Variants in PARP8 observed in about 807,000 individuals in gnomAD.
The protein encoded by PARP8 is poly(ADP-ribose) polymerase family member 8.
A neutral mutation model predicts 124.1 loss-of-function variants in PARP8; 51 were observed. That is an observed-to-expected ratio of 0.41 (90% CI 0.33 to 0.52). The LOEUF is 0.52. PARP8 is among the 20% of genes least tolerant of loss of function. PARP8 has a pLI of 0.21. For missense variants in PARP8, 860 were observed against 1,018.9 expected (o/e 0.84, Z 2.12); for synonymous variants, 391 against 361.5 (o/e 1.08, Z -0.93).
At chr5:50,703,846 G>A (rs1227499852) in intron 2 of PARP8, among the ~76,000 whole-genome samples, 1 of 151,934 alleles carries the variant, frequency 6.6e-6, no homozygotes, top group African/African-American at 2.4e-5. Flanking sequence ...AGGAGGTCGA[G>A]GCTGCAGTGA....
chr5:50,675,336 C>T (rs1020929917), intron 2 of PARP8, among the ~76,000 whole-genome samples: 3 of 152,170 alleles, frequency 2.0e-5, no homozygotes, highest in Admixed American at 2.0e-4. Flanking sequence ...GGAGTTTTCG[C>T]TCTTGTTGCC....
At chr5:50,768,811 C>G (rs539495490) in intron 7 of PARP8, among the ~76,000 whole-genome samples, 1 of 152,110 alleles carries the variant, frequency 6.6e-6, no homozygotes, top group Non-Finnish European at 1.5e-5. Context: ...AAACTGTAAT[C>G]ACGCTTTGTA....
At position 50,739,873 on chromosome 5, in the gene PARP8, C is replaced by T. The variant is rs559003502; in HGVS notation, c.147-10278C>T. On this transcript the variant is annotated intron_variant, in intron 2 of 25. Transcript: ENST00000281631. ...CAAGCAATTCTCTGCCTCAGCCTCCCGAGTAGCTGGGATTACAGGCACCCA... is the reference window on the plus strand; with the variant it reads ...CAAGCAATTCTCTGCCTCAGCCTCCTGAGTAGCTGGGATTACAGGCACCCA... Among the ~76,000 whole-genome samples, 419 of 150,990 alleles carry T rather than the reference C, an allele frequency of 2.8e-3. 2 individuals are homozygous for T. The highest frequency in any genetic ancestry group is 6.8e-3 in the Middle Eastern group (2 of 294).
intron 2 of PARP8, among the ~76,000 whole-genome samples, chr5:50,708,611 T>TA (rs1219172872): frequency 6.6e-6 from 1 of 152,052 alleles, no homozygotes. Flanking sequence ...ATATGTAACT[T>TA]ACCTTTGTAT....
intron 2 of PARP8, among the ~76,000 whole-genome samples, chr5:50,709,969 T>C (rs71590688): frequency 3.7e-5 from 5 of 136,186 alleles, no homozygotes; most frequent in Non-Finnish European, 7.8e-5. Flanking sequence ...CATACATATA[T>C]ACACACACAC....
Position 50,668,342 on chromosome 5 carries a change from A to G in PARP8, c.146+217A>G. 1.2e-5 allele frequency: 7 copies of G among 580,912 alleles called. No individual in the cohort carries two copies. The South Asian group carries it at 1.4e-4, about 12-fold the overall frequency. 36.0% of individuals were successfully genotyped at this position (580,912 alleles called of 1,614,324 possible). On this transcript the variant is annotated intron_variant, in intron 2 of 25. Transcript: ENST00000281631. ...GTGTTTCGAGGACCACGCCACAGGC[A>G]ATGAGCAGAACTCTTCATGTTGAAA...
chr5:50,731,034 C>CA (rs1362296700), intron 2 of PARP8, among the ~76,000 whole-genome samples: 3 of 152,042 alleles, frequency 2.0e-5, no homozygotes, highest in African/African-American at 4.8e-5. Context: ...TTGCCGTAAG[C>CA]AAAAAAGGTC....
intron 25 of PARP8, among the ~76,000 whole-genome samples, chr5:50,838,241 T>C (rs960638928): frequency 1.3e-5 from 2 of 152,030 alleles, no homozygotes; most frequent in African/African-American, 4.8e-5. Flanking sequence ...GAGCTGTAGT[T>C]TTCCATTTCT....
rs559644279 is a variant in PARP8, at chr5:50,796,651, C to T, written c.1429-331C>T. Among the ~76,000 whole-genome samples, 4 of 152,226 alleles carry T rather than the reference C, an allele frequency of 2.6e-5. No individual in the cohort carries two copies. The East Asian group carries it at 7.7e-4, about 29-fold the overall frequency. ...GATTGTAAAATAAGACTGAAGTCTC[C>T]TAATGAAGAGGTATGAGCATTTGCT... On this transcript the variant is annotated intron_variant, in intron 12 of 25. Transcript: ENST00000281631.
intron 15 of PARP8, among the ~76,000 whole-genome samples, chr5:50,820,578 A>G (rs1159309901): frequency 1.3e-5 from 2 of 152,204 alleles, no homozygotes; most frequent in East Asian, 3.8e-4. Context: ...GTGGACTTGG[A>G]TAGAGGAGAA....
intron 3 of PARP8, 48 bp from the exon 4 acceptor site, chr5:50,759,595 A>G (rs1220206290): frequency 1.4e-6 from 2 of 1,473,558 alleles, no homozygotes; most frequent in Non-Finnish European, 1.8e-6. Flanking sequence ...TAAAGGATGT[A>G]TTTTTTAAAC....
At chr5:50,676,276 T>A (rs1750626484) in intron 2 of PARP8, among the ~76,000 whole-genome samples, 2 of 152,360 alleles carry the variant, frequency 1.3e-5, no homozygotes, top group African/African-American at 2.4e-5. Flanking sequence ...CTGATTCATA[T>A]TGAGCCGGGA....
intron 2 of PARP8, among the ~76,000 whole-genome samples, chr5:50,728,312 T>A (rs1170798007): frequency 3.3e-5 from 5 of 152,222 alleles, no homozygotes; most frequent in Non-Finnish European, 7.3e-5. Context: ...GCTATTGCAA[T>A]TAGACTGACT....
chr5:50,800,797 C>T (rs185235838), intron 14 of PARP8, among the ~76,000 whole-genome samples: 19 of 149,124 alleles, frequency 1.3e-4, no homozygotes, highest in African/African-American at 4.4e-4. Context: ...TACTCTGTCA[C>T]TCATGTTGGA....
chr5:50,789,254 GA>G (rs1243271738), intron 10 of PARP8, among the ~76,000 whole-genome samples: 71 of 152,058 alleles, frequency 4.7e-4, no homozygotes, highest in African/African-American at 1.5e-3. Flanking sequence ...TTAAAAAACA[GA>G]AAAAGAAAAC....
intron 9 of PARP8, among the ~76,000 whole-genome samples, chr5:50,783,432 C>G (rs1209634666): frequency 6.6e-6 from 1 of 152,144 alleles, no homozygotes; most frequent in Non-Finnish European, 1.5e-5. Context: ...ATGCATAGTG[C>G]TGTTAGACAT....
At chr5:50,741,443 T>A (rs1758031737) in intron 2 of PARP8, among the ~76,000 whole-genome samples, 1 of 152,190 alleles carries the variant, frequency 6.6e-6, no homozygotes, top group Non-Finnish European at 1.5e-5. Context: ...AAAAATACCA[T>A]TATAAAGCTT....
At chr5:50,806,558 A>G (rs531501831) in intron 14 of PARP8, among the ~76,000 whole-genome samples, 12 of 152,182 alleles carry the variant, frequency 7.9e-5, no homozygotes, top group African/African-American at 2.6e-4. Context: ...ATAAATACGG[A>G]TGATTATCAG....
At chr5:50,770,136 G>C (rs555352818) in intron 7 of PARP8, among the ~76,000 whole-genome samples, 8 of 151,776 alleles carry the variant, frequency 5.3e-5, no homozygotes, top group African/African-American at 1.9e-4. Context: ...TTCACTAATG[G>C]GTAATTTTTT....
Sources: gnomAD v4.1 joint callset for allele counts (sites outside exome capture counted in the v4.1 genomes callset) on GRCh38, gnomAD v4.1.1 for gene constraint, MANE v1.5 for transcripts, NCBI Gene and HGNC (gene_info 2026-07-23, HGNC 2026-07-21) for gene names.